The following CEP41 variants were observed in gnomAD, a reference collection of about 807,000 sequenced individuals.
The protein encoded by CEP41 is centrosomal protein of 41 kDa.
CEP41 carries 32 observed loss-of-function variants against 44.3 expected under a neutral mutation model. The ratio of observed to expected loss-of-function variants is 0.72; its 90% confidence interval spans 0.54 to 0.97. CEP41 has a LOEUF of 0.97. Among genes scored for constraint, CEP41 ranks in the 50% least tolerant of loss-of-function variants. The pLI, the probability that CEP41 is intolerant of heterozygous loss-of-function variation, is 0.00. For missense variants in CEP41, 432 were observed against 455.2 expected, an observed-to-expected ratio of 0.95 and a Z score of 0.46; for synonymous variants, 151 against 168.5, an observed-to-expected ratio of 0.90 and a Z score of 0.80.
intron 8 of CEP41, 78 bp downstream of exon 8, chr7:130,401,803 C>T (rs2117559961): frequency 1.0e-6 from 1 of 955,566 alleles, no homozygotes. Flanking sequence ...AGCATTCTTA[C>T]CAGGAGCGTG....
intron 2 of CEP41, chr7:130,421,796 G>A: frequency 7.9e-7 from 1 of 1,272,656 alleles, no homozygotes; most frequent in East Asian, 3.0e-5. Flanking sequence ...AAGACTGTGG[G>A]GACTAATAAA....
chr7:130,424,392 C>A, intron 2 of CEP41, among the ~76,000 whole-genome samples: 1 of 149,808 alleles, frequency 6.7e-6, no homozygotes. Flanking sequence ...AGAGTAAGAC[C>A]CTGTCTCAAA....
chr7:130,436,223 G>C (rs1388392668), intron 1 of CEP41, among the ~76,000 whole-genome samples: 1 of 151,214 alleles, frequency 6.6e-6, no homozygotes, highest in Non-Finnish European at 1.5e-5. Context: ...TCAGGTACCA[G>C]AAAGAATGAA....
Position 130,400,254 on chromosome 7 carries a change from C to G in CEP41, c.758G>C (p.Gly253Ala). Residue 253 changes from glycine to alanine, a missense_variant and splice_region_variant, in exon 10 of 11, where the codon GGT becomes GCT. Physicochemically the swap from Gly to Ala is moderately conservative, Grantham distance 60. Coordinates refer to ENST00000223208, the MANE Select transcript of CEP41 (RefSeq NM_018718.3). ...GAATTTCTGAGCTAAGACTTTTAGA[C>G]CTAGGTTTGGAAAATCATCAGAAAA... The part of the protein sequence containing the change: ...GFENLFMLSG[G>A]LKVLAQKFPE... The G allele has an allele frequency of 6.2e-7, 1 of 1,610,626 alleles. No individual in the cohort carries two copies. The highest frequency in any genetic ancestry group is 1.7e-4 in the Middle Eastern group (1 of 5,958).
At chr7:130,429,248 G>C (rs1277867731) in intron 1 of CEP41, among the ~76,000 whole-genome samples, 1 of 152,182 alleles carries the variant, frequency 6.6e-6, no homozygotes, top group Non-Finnish European at 1.5e-5. Flanking sequence ...TGTAGCTCCA[G>C]GGATGTCGAC....
intron 2 of CEP41, chr7:130,421,821 G>T: frequency 7.3e-7 from 1 of 1,376,594 alleles, no homozygotes; most frequent in Non-Finnish European, 9.4e-7. Context: ...GAGCCCTGTG[G>T]TTTGGAAAGT....
intron 2 of CEP41, among the ~76,000 whole-genome samples, chr7:130,424,357 A>G (rs1418850087): frequency 1.3e-4 from 19 of 151,774 alleles, no homozygotes; most frequent in African/African-American, 4.4e-4. Flanking sequence ...CCAAGATCAC[A>G]GCACTGCACT....
At chr7:130,406,409 C>T (rs1419768514) in intron 5 of CEP41, among the ~76,000 whole-genome samples, 1 of 151,968 alleles carries the variant, frequency 6.6e-6, no homozygotes, top group Non-Finnish European at 1.5e-5. Context: ...CATAGCGAAA[C>T]CCCATCTCTA....
chr7:130,439,569 T>C (rs1798077702), intron 1 of CEP41, among the ~76,000 whole-genome samples: 1 of 152,148 alleles, frequency 6.6e-6, no homozygotes, highest in South Asian at 2.1e-4. Flanking sequence ...CACCATTTTA[T>C]TCTCTACTTC....
In CEP41 at chr7:130,397,506, ATTTTTT is replaced by A. The variant is rs55776575; in HGVS notation, c.*1379_*1384del. On this transcript the variant is annotated 3_prime_UTR_variant, in exon 11 of 11. Coordinates refer to ENST00000223208, the MANE Select transcript of CEP41 (RefSeq NM_018718.3). ...CCCCATGCTAGAAATACTGTGGTGC[ATTTTTT>A]TTTTTTTTTTTTTTTTTTTTTGGTG... The A allele has an allele frequency of 6.5e-3, 1,948 of 299,538 alleles. No individual in the cohort carries two copies. The highest frequency in any genetic ancestry group is 8.1e-3 in the East Asian group (80 of 9,828). The allele number at this position is 299,538 out of a possible 1,614,324, so 18.6% of individuals were successfully genotyped here.
intron 1 of CEP41, among the ~76,000 whole-genome samples, chr7:130,431,052 A>C (rs1797808015): frequency 6.6e-6 from 1 of 152,164 alleles, no homozygotes; most frequent in Non-Finnish European, 1.5e-5. Context: ...AAGAGAAAAA[A>C]ATGTAGTTTC....
At chr7:130,428,097 A>T in intron 1 of CEP41, 79 bp from the exon 2 acceptor site, 1 of 982,042 alleles carries the variant, frequency 1.0e-6, no homozygotes, top group South Asian at 1.3e-5. Flanking sequence ...CAGATACTTT[A>T]AAAATGGAAA....
chr7:130,406,884 G>A (rs1486105498), intron 5 of CEP41, among the ~76,000 whole-genome samples: 1 of 151,460 alleles, frequency 6.6e-6, no homozygotes, highest in Non-Finnish European at 1.5e-5. Context: ...CAGGTTAATA[G>A]GTGCAGCACA....
chr7:130,441,245 GAAGAGAGGCGC>G, upstream of CEP41: 1 of 388,450 alleles, frequency 2.6e-6, no homozygotes, highest in Non-Finnish European at 5.0e-6. Context: ...CTTAGGGCGG[GAAGAGAGGCGC>G]GGGGGGAGGG....
chr7:130,411,258 T>C, intron 4 of CEP41, 67 bp from the exon 5 acceptor site: 1 of 1,304,472 alleles, frequency 7.7e-7, no homozygotes, highest in Non-Finnish European at 1.1e-6. Context: ...TTTTGTCTTT[T>C]ACAAAAGACG....
chr7:130,399,215 T>C, intron 10 of CEP41, 176 bp from the exon 11 acceptor site: 1 of 730,920 alleles, frequency 1.4e-6, no homozygotes, highest in Non-Finnish European at 2.3e-6. Context: ...GAGATCAGCC[T>C]GAAGGTGGGG....
intron 10 of CEP41, chr7:130,399,338 G>A: frequency 4.6e-6 from 2 of 432,596 alleles, no homozygotes; most frequent in Middle Eastern, 6.6e-4. Flanking sequence ...GGATGCAGAC[G>A]AGGAGTGATT....
At chr7:130,438,320 G>A (rs575260027) in intron 1 of CEP41, among the ~76,000 whole-genome samples, 1 of 152,304 alleles carries the variant, frequency 6.6e-6, no homozygotes, top group African/African-American at 2.4e-5. Flanking sequence ...CACTTTGGGA[G>A]GCCAAGGCAG....
chr7:130,415,223 T>G (rs1258173996), intron 3 of CEP41, among the ~76,000 whole-genome samples: 6 of 152,088 alleles, frequency 3.9e-5, no homozygotes, highest in Non-Finnish European at 7.4e-5. Context: ...CAGAACAAGG[T>G]TTGTGGTTTC....
Sources: gnomAD v4.1 joint callset for allele counts (sites outside exome capture counted in the v4.1 genomes callset) on GRCh38, gnomAD v4.1.1 for gene constraint, MANE v1.5 for transcripts, NCBI Gene and HGNC (gene_info 2026-07-23, HGNC 2026-07-21) for gene names.